PBX1: variants seen among roughly 807,000 people sequenced by gnomAD.
PBX1 encodes pre-B-cell leukemia transcription factor 1.
Under a neutral mutation model 53.4 loss-of-function variants are expected in PBX1, and 6 were observed. That is an observed-to-expected ratio of 0.11 (90% confidence interval 0.06 to 0.22). PBX1 has a LOEUF of 0.22. Among genes scored for constraint, PBX1 ranks in the 10% least tolerant of loss-of-function variants. PBX1 has a pLI of 1.00. For synonymous variants in PBX1, 204 were observed against 212.3 expected (o/e 0.96, Z 0.34); for missense variants, 251 against 551.4 (o/e 0.46, Z 5.46).
At chr1:164,846,007 C>A (rs1197410394) in intron 8 of PBX1, among the ~76,000 whole-genome samples, 1 of 152,026 alleles carries the variant, frequency 6.6e-6, no homozygotes, top group Non-Finnish European at 1.5e-5. Context: ...TTTATAAGTT[C>A]ATTCGTGGGC....
intron 2 of PBX1, among the ~76,000 whole-genome samples, chr1:164,679,832 C>A (rs1452621323): frequency 3.9e-5 from 6 of 152,080 alleles, no homozygotes; most frequent in Non-Finnish European, 8.8e-5. Flanking sequence ...GTACTTAGGA[C>A]AAACATTGAT....
chr1:164,665,487 A>T (rs1571178996), intron 2 of PBX1, among the ~76,000 whole-genome samples: 1 of 152,228 alleles, frequency 6.6e-6, no homozygotes, highest in East Asian at 1.9e-4. Context: ...GCGTTTCACC[A>T]TGTTGGCCAG....
intron 2 of PBX1, among the ~76,000 whole-genome samples, chr1:164,611,454 G>C (rs1408426729): frequency 1.3e-5 from 2 of 152,104 alleles, no homozygotes; most frequent in African/African-American, 4.8e-5. Flanking sequence ...TAGCCAGGAT[G>C]GTCTCGATCT....
chr1:164,682,161 T>C (rs1039949275), intron 2 of PBX1: 2 of 152,240 alleles, frequency 1.3e-5, no homozygotes, highest in South Asian at 2.1e-4. Context: ...CTACCAATAA[T>C]GTTTTACATC....
intron 2 of PBX1, among the ~76,000 whole-genome samples, chr1:164,704,375 T>C (rs776082614): frequency 1.3e-5 from 2 of 152,240 alleles, no homozygotes; most frequent in Non-Finnish European, 2.9e-5. Flanking sequence ...GTCTGTGTTA[T>C]TGCTCTATAG....
chr1:164,877,766 A>G (rs571341394), intron 2 of PBX1, among the ~76,000 whole-genome samples: 31 of 152,352 alleles, frequency 2.0e-4, no homozygotes, highest in African/African-American at 6.7e-4. Context: ...GAAGTGTACA[A>G]TTTGGTAAGT....
intron 8 of PBX1, 150 bp downstream of exon 8, chr1:164,821,776 C>T (rs1241888118): frequency 1.0e-5 from 7 of 687,294 alleles, no homozygotes; most frequent in South Asian, 1.8e-5. Flanking sequence ...GTCATGCCAT[C>T]GGCAGCATTC....
intron 2 of PBX1, among the ~76,000 whole-genome samples, chr1:164,731,570 A>T (rs147253146): frequency 7.5e-4 from 114 of 152,278 alleles, no homozygotes; most frequent in African/African-American, 2.7e-3. Flanking sequence ...AAATGCAAAC[A>T]AAAACAACAT....
In PBX1 at chr1:164,720,753, T is replaced by C. The variant is rs1170676963; in HGVS notation, c.266-71741T>C. Among the ~76,000 whole-genome samples, 2 of 152,188 alleles carry C rather than the reference T, an allele frequency of 1.3e-5. 1 individual carries two copies. The highest frequency in any genetic ancestry group is 2.9e-5 in the Non-Finnish European group (2 of 68,028). On this transcript the variant is annotated intron_variant, in intron 2 of 8. Transcript: ENST00000420696. ...TAGCTAATGTCTTATTCAGTATGAA[T>C]AGCAGTGGCGTTTGGGCAGGGAGGT...
intron 2 of PBX1, among the ~76,000 whole-genome samples, chr1:164,621,498 A>C (rs1249125767): frequency 6.6e-6 from 1 of 152,122 alleles, no homozygotes; most frequent in Admixed American, 6.5e-5. Flanking sequence ...GGACTGGTTT[A>C]CTGTAGGTTC....
chr1:164,567,948 G>A (rs551193868), intron 2 of PBX1, among the ~76,000 whole-genome samples: 10 of 152,224 alleles, frequency 6.6e-5, no homozygotes, highest in African/African-American at 2.2e-4. Context: ...GAGCTGGGCC[G>A]GGTGTGGGTG....
chr1:164,779,212 T>C lies in PBX1; in HGVS notation c.266-13282T>C, dbSNP rs371513786. 1.4e-3 allele frequency among the ~76,000 whole-genome samples: 219 copies of C among 152,228 alleles called. No homozygotes were observed. The Middle Eastern group carries it at 0.02, about 14-fold the overall frequency. ...GCGTATTTAGTTCTTCTCTACCACATTGTCCACATACCTGTTCTAGCAATT... is the reference window on the plus strand; with the variant it reads ...GCGTATTTAGTTCTTCTCTACCACACTGTCCACATACCTGTTCTAGCAATT... On this transcript the variant is annotated intron_variant, in intron 2 of 8. Transcript: ENST00000420696.
intron 8 of PBX1, among the ~76,000 whole-genome samples, chr1:164,825,962 A>C (rs1049598851): frequency 2.6e-5 from 4 of 152,042 alleles, no homozygotes; most frequent in Non-Finnish European, 5.9e-5. Context: ...TCCCTACTAG[A>C]TGTGGTATTG....
rs138736482 is a variant in PBX1, at chr1:164,580,781, G to T, written c.265+17470G>T. On this transcript the variant is annotated intron_variant, in intron 2 of 8. Transcript: ENST00000420696. ...TTTAGTAGAGACGGGGTTTCACCATGTTGGCCAGGCTGGCCTGGAACTCCT... is the reference window on the plus strand; with the variant it reads ...TTTAGTAGAGACGGGGTTTCACCATTTTGGCCAGGCTGGCCTGGAACTCCT... Among the ~76,000 whole-genome samples the T allele has an allele frequency of 2.8e-4, 43 of 152,248 alleles. 1 individual carries two copies. The highest frequency in any genetic ancestry group is 1.0e-3 in the African/African-American group (42 of 41,552).
intron 2 of PBX1, among the ~76,000 whole-genome samples, chr1:164,598,388 G>A (rs1296246449): frequency 2.6e-5 from 4 of 152,202 alleles, no homozygotes; most frequent in Non-Finnish European, 5.9e-5. Context: ...GTTAGGTGTC[G>A]AGACCAAGGC....
intron 2 of PBX1, among the ~76,000 whole-genome samples, chr1:164,862,440 C>T (rs916251298): frequency 1.3e-5 from 2 of 152,204 alleles, no homozygotes; most frequent in Non-Finnish European, 2.9e-5. Context: ...CTTTCTGGCT[C>T]TCTTCCGAAC....
chr1:164,840,861 AT>A (rs1488519227), intron 8 of PBX1, among the ~76,000 whole-genome samples: 1 of 152,096 alleles, frequency 6.6e-6, no homozygotes, highest in Non-Finnish European at 1.5e-5. Context: ...CTATTTACAT[AT>A]AGTTGGAATG....
At chr1:164,812,571 C>T (rs936020263) in intron 6 of PBX1, among the ~76,000 whole-genome samples, 1 of 152,188 alleles carries the variant, frequency 6.6e-6, no homozygotes, top group Non-Finnish European at 1.5e-5. Context: ...GTCTGGGTCA[C>T]TTATTAGCAT....
chr1:164,860,292 G>A (rs1672068346), intron 2 of PBX1, among the ~76,000 whole-genome samples: 1 of 152,146 alleles, frequency 6.6e-6, no homozygotes. Context: ...ACTAGTGCAT[G>A]ATCACTTAGA....
Sources: gnomAD v4.1 joint callset for allele counts (sites outside exome capture counted in the v4.1 genomes callset) on GRCh38, gnomAD v4.1.1 for gene constraint, MANE v1.5 for transcripts, NCBI Gene and HGNC (gene_info 2026-07-23, HGNC 2026-07-21) for gene names.